CARM1: variants seen among roughly 807,000 people sequenced by gnomAD.
CARM1 encodes histone-arginine methyltransferase CARM1.
Under a neutral mutation model 72.7 loss-of-function variants are expected in CARM1, and 14 were observed. The observed-to-expected ratio is 0.19, with a 90% CI of 0.13 to 0.30. The LOEUF (loss-of-function observed/expected upper bound fraction) is 0.30, where lower values mean the gene tolerates loss of function less well. Ranked by LOEUF, CARM1 falls within the 10% of genes least tolerant of loss-of-function variation. CARM1 has a pLI of 1.00. For missense variants in CARM1, 432 were observed against 833.7 expected, an observed-to-expected ratio of 0.52 and a Z score of 5.93; for synonymous variants, 333 against 345.5, an observed-to-expected ratio of 0.96 and a Z score of 0.40.
At chr19:10,873,588 C>G (rs1276773637) in intron 1 of CARM1, among the ~76,000 whole-genome samples, 1 of 99,796 alleles carries the variant, frequency 1.0e-5, no homozygotes, top group African/African-American at 3.8e-5. Flanking sequence ...GACTCCATCT[C>G]AAAAAAAAAA....
intron 1 of CARM1, among the ~76,000 whole-genome samples, chr19:10,876,370 G>A (rs142341279): frequency 2.0e-5 from 3 of 152,380 alleles, no homozygotes; most frequent in African/African-American, 7.2e-5. Context: ...GTTCGTTGGT[G>A]TGGCATGGGA....
rs527617157 is a variant in CARM1, at chr19:10,913,902, C to T, written c.695C>T (p.Thr232Met). The T allele has an allele frequency of 5.0e-6, 8 of 1,613,286 alleles. No individual in the cohort carries two copies. Among genetic ancestry groups the T allele is most frequent in the South Asian group, 3.3e-5 (3 of 91,056 alleles). Residue 232 changes from threonine (T) to methionine (M), a missense_variant, in exon 6 of 16, where the codon ACG becomes ATG. Thr to Met is a moderately conservative substitution (Grantham distance 81). This residue lies in a region of CARM1 where 152 missense variants were observed against 452.8 expected (regional missense o/e 0.34). Coordinates refer to ENST00000327064, the MANE Select transcript of CARM1 (RefSeq NM_199141.2). ...GTCTTGGTGAAGAGTAACAACCTGA[C>T]GGACCGCATCGTGGTCATCCCGGGC... ...AEVLVKSNNL[T>M]DRIVVIPGKV...
chr19:10,880,521 T>C (rs2073894058), intron 1 of CARM1, among the ~76,000 whole-genome samples: 1 of 149,894 alleles, frequency 6.7e-6, no homozygotes, highest in Non-Finnish European at 1.5e-5. Context: ...TAATTTTTTT[T>C]TTTTTTTTTT....
chr19:10,890,975 G>A (rs1037598244), intron 1 of CARM1, among the ~76,000 whole-genome samples: 21 of 151,426 alleles, frequency 1.4e-4, no homozygotes, highest in African/African-American at 5.1e-4. Context: ...CCAAAACTGA[G>A]TCAGTGTTCC....
rs1419980465 is a variant in CARM1, at chr19:10,912,213, G to C, written c.588G>C (p.Gly196=). 6.2e-7 allele frequency: 1 copy of C among 1,614,158 alleles called. No homozygotes were observed. Among genetic ancestry groups the C allele is most frequent in the East Asian group, 2.2e-5 (1 of 44,882 alleles). ...KIVLDVGCGS[G]ILSFFAAQAG... Reference sequence around the variant, plus strand: ...TTCTTGATGTTGGCTGTGGCTCTGGGATCCTGTCGTTTTTTGCCGCCCAAG... The same window carrying C: ...TTCTTGATGTTGGCTGTGGCTCTGGCATCCTGTCGTTTTTTGCCGCCCAAG... Residue 196 remains glycine (G), a synonymous_variant, in exon 5 of 16, where the codon GGG becomes GGC. Transcript: ENST00000327064. The surrounding 1 kb of genome is among the most constrained non-coding windows in gnomAD (Gnocchi z 4.5).
rs557445401 is a variant in CARM1, at chr19:10,897,951, A to G, written c.221-7000A>G. Among the ~76,000 whole-genome samples, 378 of 151,826 alleles carry G rather than the reference A, an allele frequency of 2.5e-3. 6 individuals are homozygous for G. In the South Asian group the frequency reaches 0.049, roughly 20 times the overall value. On this transcript the variant is annotated intron_variant, in intron 1 of 15. Transcript: ENST00000327064. ...AAACCCCGTCTCTACAAAAAATACA[A>G]AAAAAATTAGCCGGGCGAGGTGGCG...
chr19:10,881,637 G>C (rs1043977409), intron 1 of CARM1, among the ~76,000 whole-genome samples: 1 of 151,898 alleles, frequency 6.6e-6, no homozygotes, highest in African/African-American at 2.4e-5. Flanking sequence ...GGGCCAGCCA[G>C]ATGGCAGGTC....
chr19:10,914,314 C>G (rs1416068223), intron 6 of CARM1, among the ~76,000 whole-genome samples: 1 of 152,226 alleles, frequency 6.6e-6, no homozygotes, highest in Non-Finnish European at 1.5e-5. Context: ...CTCTGCCGTC[C>G]CATGTCCTGC....
intron 3 of CARM1, chr19:10,908,450 C>T (rs2074121235): frequency 3.2e-6 from 1 of 312,486 alleles, no homozygotes; most frequent in African/African-American, 2.2e-5. Flanking sequence ...GCGCTCCCTG[C>T]ATGCCAGGCC....
rs978835199 is a variant in CARM1, at chr19:10,920,036, TG to T, written c.1196+77del. On this transcript the variant is annotated intron_variant, in intron 10 of 15. Coordinates refer to ENST00000327064, the MANE Select transcript of CARM1 (RefSeq NM_199141.2). This position sits in a 1 kb window ranked among gnomAD's most constrained non-coding sequence, Gnocchi z 5.3. ...GGGCTTCCTGCAGCTGCAACCTGGCTGGGGGGGTGGAACATGGCTCCAGGTT... is the reference window on the plus strand; with the variant it reads ...GGGCTTCCTGCAGCTGCAACCTGGCTGGGGGGTGGAACATGGCTCCAGGTT... 1.5e-4 allele frequency: 185 copies of T among 1,218,280 alleles called. 1 individual carries two copies. Among genetic ancestry groups the T allele is most frequent in the Non-Finnish European group, 1.9e-4 (162 of 831,012 alleles). The allele number at this position is 1,218,280 out of a possible 1,614,324, so 75.5% of individuals were successfully genotyped here. A position where few individuals can be genotyped will look rare whatever the true frequency, so the allele number is the denominator to read the frequency against.
chr19:10,909,378 CTA>C (rs1177326415), intron 4 of CARM1, among the ~76,000 whole-genome samples, 171 bp downstream of exon 4: 4 of 152,118 alleles, frequency 2.6e-5, no homozygotes, highest in Non-Finnish European at 4.4e-5. Context: ...CTGCAGTAAG[CTA>C]TGATTCTGCC....
At chr19:10,892,280 G>A (rs1206425853) in intron 1 of CARM1, among the ~76,000 whole-genome samples, 1 of 152,248 alleles carries the variant, frequency 6.6e-6, no homozygotes, top group African/African-American at 2.4e-5. Flanking sequence ...TTCTGGGCCG[G>A]AAGTTTTTGA....
intron 4 of CARM1, among the ~76,000 whole-genome samples, chr19:10,910,047 T>G (rs889845838): frequency 6.6e-6 from 1 of 151,926 alleles, no homozygotes; most frequent in Admixed American, 6.6e-5. Flanking sequence ...GAGCTGTGAT[T>G]GGGGTACTGC....
chr19:10,909,030 C>A, intron 3 of CARM1, 73 bp from the exon 4 acceptor site: 1 of 1,185,488 alleles, frequency 8.4e-7, no homozygotes, highest in Non-Finnish European at 1.3e-6. Context: ...CTTGCTCTAT[C>A]ACAGGGCTGG....
Position 10,916,898 on chromosome 19 carries a change from A to G in CARM1, c.1020+121A>G. 4 of 722,750 alleles carry G rather than the reference A, an allele frequency of 5.5e-6. No homozygotes were observed. The highest frequency in any genetic ancestry group is 1.9e-5 in the South Asian group (1 of 52,792). 44.8% of individuals were successfully genotyped at this position (722,750 alleles called of 1,614,324 possible). On this transcript the variant is annotated intron_variant, in intron 8 of 15. Transcript: ENST00000327064. This position sits in a 1 kb window ranked among gnomAD's most constrained non-coding sequence, Gnocchi z 4.4. ...CTCCTCTGCCCTGCACAGCGCTCTC[A>G]CAGAGATTTGGGCCAAAAGTGTCAA...
rs768096225 is a variant in CARM1 at position 10,920,783 on chromosome 19, C to A, written c.1424+35C>A. On this transcript the variant is annotated intron_variant, in intron 12 of 15. Coordinates refer to ENST00000327064, the MANE Select transcript of CARM1 (RefSeq NM_199141.2). This position sits in a 1 kb window ranked among gnomAD's most constrained non-coding sequence, Gnocchi z 5.3. The stretch of plus-strand genomic sequence containing the variant: ...GCCCCTTGCCTGCACAGGGGGGCGC[C>A]CCGGCCCTGCAACCCCCTTGCCCCT... 17 of 1,613,336 alleles carry A rather than the reference C, an allele frequency of 1.1e-5. No homozygotes were observed. Among genetic ancestry groups the A allele is most frequent in the Non-Finnish European group, 1.4e-5 (17 of 1,179,390 alleles).
chr19:10,888,633 C>T (rs2073958839), intron 1 of CARM1, among the ~76,000 whole-genome samples: 1 of 152,076 alleles, frequency 6.6e-6, no homozygotes, highest in African/African-American at 2.4e-5. Flanking sequence ...CTTTGCACCG[C>T]GCCCCCACCC....
intron 3 of CARM1, 135 bp from the exon 4 acceptor site, chr19:10,908,968 C>T (rs2074124903): frequency 1.7e-6 from 1 of 594,930 alleles, no homozygotes; most frequent in Non-Finnish European, 3.0e-6. Flanking sequence ...CTAGTGGGGC[C>T]CAGGCAGAGG....
intron 1 of CARM1, among the ~76,000 whole-genome samples, chr19:10,887,774 G>A (rs1329796053): frequency 1.1e-4 from 17 of 152,120 alleles, no homozygotes; most frequent in Admixed American, 1.0e-3. Flanking sequence ...ACTAGGCAGG[G>A]ACTTCAAGTG....
Sources: allele counts gnomAD v4.1 joint callset (sites outside exome capture counted in the v4.1 genomes callset), GRCh38; gene constraint gnomAD v4.1.1; regional missense constraint gnomAD v4.1.1; non-coding constraint Gnocchi (gnomAD v3.1); transcripts MANE v1.5; gene names NCBI Gene and HGNC (gene_info 2026-07-23, HGNC 2026-07-21).